Variants in B3GALT1 observed in about 807,000 individuals in gnomAD.
The protein encoded by B3GALT1 is UDP-Gal:betaGlcNAc beta 1,3-galactosyltransferase, polypeptide 1.
B3GALT1 carries 10 observed loss-of-function variants against 23.2 expected under a neutral mutation model. That is an observed-to-expected ratio of 0.43 (90% CI 0.27 to 0.73). The LOEUF (loss-of-function observed/expected upper bound fraction) is 0.73, where lower values mean the gene tolerates loss of function less well. B3GALT1 is among the 30% of genes least tolerant of loss of function. B3GALT1 has a pLI of 0.21. For synonymous variants in B3GALT1, 156 were observed against 141.5 expected, an observed-to-expected ratio of 1.10 and a Z score of -0.73; for missense variants, 299 against 405.4, an observed-to-expected ratio of 0.74 and a Z score of 2.25.
At chr2:167,814,072 A>G (rs1166942810) in intron 3 of B3GALT1, among the ~76,000 whole-genome samples, 2 of 152,234 alleles carry the variant, frequency 1.3e-5, no homozygotes, top group African/African-American at 4.8e-5. Context: ...ATGAATGACC[A>G]TGTTTACAAG....
chr2:167,343,586 G>C (rs905838528), intron 1 of B3GALT1, among the ~76,000 whole-genome samples: 1 of 151,972 alleles, frequency 6.6e-6, no homozygotes, highest in Non-Finnish European at 1.5e-5. Flanking sequence ...TTTTTTTCCT[G>C]CTTAGCATGA....
chr2:167,819,326 C>T lies in B3GALT1; in HGVS notation c.-230+533C>T, dbSNP rs560572411. 2.0e-5 allele frequency among the ~76,000 whole-genome samples: 3 copies of T among 152,250 alleles called. No homozygotes were observed. In the South Asian group the frequency reaches 6.2e-4, roughly 32 times the overall value. On this transcript the variant is annotated intron_variant, in intron 4 of 4. Coordinates refer to ENST00000392690, the MANE Select transcript of B3GALT1 (RefSeq NM_020981.4). ...ATTGTGCTTCAATCATTTCTTACTTCAGTTGAAAATAATAGGATTTTGCAT... is the reference window on the plus strand; with the variant it reads ...ATTGTGCTTCAATCATTTCTTACTTTAGTTGAAAATAATAGGATTTTGCAT...
At chr2:167,593,300 A>G (rs548144043) in intron 2 of B3GALT1, among the ~76,000 whole-genome samples, 52 of 152,348 alleles carry the variant, frequency 3.4e-4, no homozygotes, top group Admixed American at 2.0e-3. Flanking sequence ...TTCCATATAT[A>G]TCAATATAGA....
chr2:167,602,679 TG>T (rs2105425087), intron 2 of B3GALT1, among the ~76,000 whole-genome samples: 1 of 152,316 alleles, frequency 6.6e-6, no homozygotes, highest in South Asian at 2.1e-4. Context: ...TTAAATATTT[TG>T]GCCTAATGAT....
chr2:167,634,389 C>A (rs987864411), intron 2 of B3GALT1, among the ~76,000 whole-genome samples: 1 of 151,868 alleles, frequency 6.6e-6, no homozygotes, highest in Non-Finnish European at 1.5e-5. Context: ...AAAAACCCTT[C>A]AAAAAATCAA....
chr2:167,824,558 C>T (rs948675513), intron 4 of B3GALT1, among the ~76,000 whole-genome samples: 2 of 152,210 alleles, frequency 1.3e-5, no homozygotes, highest in African/African-American at 2.4e-5. Context: ...CCCAGTCTTG[C>T]TCTCGGTCCT....
At chr2:167,366,335 A>C (rs1187509108) in intron 1 of B3GALT1, among the ~76,000 whole-genome samples, 1 of 152,202 alleles carries the variant, frequency 6.6e-6, no homozygotes, top group East Asian at 1.9e-4. Context: ...GAGTCAAGGG[A>C]AATATGCTAA....
At chr2:167,659,126 AC>A (rs1456089680) in intron 3 of B3GALT1, among the ~76,000 whole-genome samples, 2 of 152,068 alleles carry the variant, frequency 1.3e-5, no homozygotes, top group African/African-American at 4.8e-5. Context: ...ATTTGGAAAA[AC>A]CAAAAAACCA....
rs572097961 is a variant in B3GALT1, at chr2:167,638,875, C to A, written c.-409-8034C>A. Reference sequence around the variant, plus strand: ...CACCAATCTGGGATTCTAGTTGCAACCCTGACATTGATTAGCTGTGTAAAC... The same window carrying A: ...CACCAATCTGGGATTCTAGTTGCAAACCTGACATTGATTAGCTGTGTAAAC... On this transcript the variant is annotated intron_variant, in intron 2 of 4. Coordinates refer to ENST00000392690, the MANE Select transcript of B3GALT1 (RefSeq NM_020981.4). Among the ~76,000 whole-genome samples, 7 of 152,076 alleles carry A rather than the reference C, an allele frequency of 4.6e-5. No homozygotes were observed. The South Asian group carries it at 1.5e-3, about 32-fold the overall frequency.
At chr2:167,794,448 G>A (rs969754494) in intron 3 of B3GALT1, among the ~76,000 whole-genome samples, 2 of 152,128 alleles carry the variant, frequency 1.3e-5, no homozygotes, top group African/African-American at 4.8e-5. Context: ...CTACTTTGTT[G>A]TACTTCGTAT....
intron 2 of B3GALT1, among the ~76,000 whole-genome samples, chr2:167,586,657 G>C (rs576915667): frequency 6.6e-6 from 1 of 152,152 alleles, no homozygotes; most frequent in African/African-American, 2.4e-5. Context: ...TTTTAACAGA[G>C]AGCTGAGTGT....
intron 1 of B3GALT1, among the ~76,000 whole-genome samples, chr2:167,300,467 A>G (rs1696427451): frequency 6.6e-6 from 1 of 152,238 alleles, no homozygotes; most frequent in Non-Finnish European, 1.5e-5. Context: ...GTTCATCTAC[A>G]ATAACAAGTA....
At chr2:167,326,032 G>T (rs1363002109) in intron 1 of B3GALT1, among the ~76,000 whole-genome samples, 1 of 151,730 alleles carries the variant, frequency 6.6e-6, no homozygotes, top group African/African-American at 2.4e-5. Flanking sequence ...GTTTTCTATA[G>T]TGGCTGCACT....
intron 4 of B3GALT1, among the ~76,000 whole-genome samples, chr2:167,829,822 T>C (rs931112452): frequency 6.6e-6 from 1 of 152,036 alleles, no homozygotes; most frequent in Non-Finnish European, 1.5e-5. Flanking sequence ...TGGGAAGTTA[T>C]GTGAGAAAGA....
chr2:167,747,085 C>G, intron 3 of B3GALT1, among the ~76,000 whole-genome samples: 1 of 152,086 alleles, frequency 6.6e-6, no homozygotes, highest in East Asian at 1.9e-4. Context: ...CGACATTTTT[C>G]CCTTTTATAA....
At chr2:167,390,665 G>A (rs1308145823) in intron 1 of B3GALT1, among the ~76,000 whole-genome samples, 2 of 152,078 alleles carry the variant, frequency 1.3e-5, no homozygotes, top group African/African-American at 2.4e-5. Flanking sequence ...TCCTTCTTCC[G>A]CATCATTCTC....
chr2:167,337,210 T>A (rs181614092), intron 1 of B3GALT1, among the ~76,000 whole-genome samples: 262 of 152,064 alleles, frequency 1.7e-3, no homozygotes, highest in Non-Finnish European at 2.6e-3. Context: ...AAGGATATAT[T>A]TTTTTTTGTG....
chr2:167,458,584 G>A (rs1699208130), intron 1 of B3GALT1, among the ~76,000 whole-genome samples: 1 of 152,166 alleles, frequency 6.6e-6, no homozygotes, highest in South Asian at 2.1e-4. Flanking sequence ...GTGTACAAGG[G>A]TTCTGATTTC....
chr2:167,515,248 A>G (rs1574113348), intron 2 of B3GALT1, among the ~76,000 whole-genome samples: 1 of 152,186 alleles, frequency 6.6e-6, no homozygotes, highest in African/African-American at 2.4e-5. Flanking sequence ...GAGGTAAGTA[A>G]GTATATAGAT....
Sources: allele counts gnomAD v4.1 joint callset (sites outside exome capture counted in the v4.1 genomes callset), GRCh38; gene constraint gnomAD v4.1.1; transcripts MANE v1.5; gene names NCBI Gene and HGNC (gene_info 2026-07-23, HGNC 2026-07-21).